Variants in PTPRG observed in about 807,000 individuals in gnomAD.
PTPRG encodes the protein receptor-type tyrosine-protein phosphatase gamma.
A neutral mutation model predicts 165.3 loss-of-function variants in PTPRG; 102 were observed. That is an observed-to-expected ratio of 0.62 (90% CI 0.53 to 0.73). The LOEUF is 0.73. Among genes scored for constraint, PTPRG ranks in the 30% least tolerant of loss-of-function variants. The pLI is 0.00. For synonymous variants in PTPRG, 675 were observed against 669.5 expected, an observed-to-expected ratio of 1.01 and a Z score of -0.13; for missense variants, 1,866 against 1,861.4, an observed-to-expected ratio of 1.00 and a Z score of -0.05.
At chr3:61,671,889 C>CGG (rs1163630942) in intron 1 of PTPRG, among the ~76,000 whole-genome samples, 4 of 137,922 alleles carry the variant, frequency 2.9e-5, no homozygotes, top group Non-Finnish European at 6.3e-5. Context: ...GCTGGATGGG[C>CGG]GGGGGGGGCT....
intron 1 of PTPRG, among the ~76,000 whole-genome samples, chr3:61,567,437 G>A (rs548487786): frequency 1.9e-4 from 29 of 152,190 alleles, no homozygotes; most frequent in African/African-American, 7.0e-4. Context: ...CAGTGCTTTG[G>A]GAGGCGGGAG....
At chr3:61,656,590 C>G (rs914566941) in intron 1 of PTPRG, among the ~76,000 whole-genome samples, 2 of 152,190 alleles carry the variant, frequency 1.3e-5, no homozygotes, top group African/African-American at 4.8e-5. Context: ...TTAGGAATTT[C>G]TTCTCCAAGC....
chr3:62,147,696 T>A lies in PTPRG; in HGVS notation c.683-9371T>A, dbSNP rs180821493. 2.2e-3 allele frequency among the ~76,000 whole-genome samples: 332 copies of A among 152,350 alleles called. 3 individuals are homozygous for A. Among genetic ancestry groups the A allele is most frequent in the Middle Eastern group, 0.01 (3 of 294 alleles). On this transcript the variant is annotated intron_variant, in intron 6 of 29. Transcript: ENST00000474889. ...ATAGCTACTGTGCTTGTTTGTTTCT[T>A]CATTCTCTTTTCACATAATTATTAG...
At position 61,923,241 on chromosome 3, in the gene PTPRG, G is replaced by A. The variant is rs552543369; in HGVS notation, c.191-66384G>A. Among the ~76,000 whole-genome samples the A allele has an allele frequency of 2.2e-3, 342 of 152,196 alleles. 1 individual carries two copies. The highest frequency in any genetic ancestry group is 8.0e-3 in the African/African-American group (332 of 41,516). On this transcript the variant is annotated intron_variant, in intron 2 of 29. Coordinates refer to ENST00000474889, the MANE Select transcript of PTPRG (RefSeq NM_002841.4). The stretch of plus-strand genomic sequence containing the variant: ...CACAAAATTAATCATTATTTTGCAC[G>A]TGTGTCAGTGGAGACCCTGAGCTGT...
chr3:61,757,105 A>C (rs1050423939), intron 2 of PTPRG, among the ~76,000 whole-genome samples: 2 of 152,188 alleles, frequency 1.3e-5, no homozygotes, highest in Non-Finnish European at 2.9e-5. Flanking sequence ...TTACCTGAAC[A>C]TCCACCAAAA....
chr3:62,264,283 A>G (rs1241758601), intron 17 of PTPRG: 2 of 152,228 alleles, frequency 1.3e-5, no homozygotes, highest in African/African-American at 2.4e-5. Context: ...ACTGCACTCA[A>G]GCCTGGGGAA....
intron 2 of PTPRG, among the ~76,000 whole-genome samples, chr3:61,922,848 C>T (rs1481751301): frequency 3.9e-5 from 6 of 152,150 alleles, no homozygotes; most frequent in African/African-American, 1.4e-4. Context: ...GCCATGTTGC[C>T]GAGGCTGGTC....
intron 2 of PTPRG, among the ~76,000 whole-genome samples, chr3:61,865,379 T>C (rs567750099): frequency 1.1e-4 from 16 of 152,288 alleles, no homozygotes; most frequent in Admixed American, 5.9e-4. Context: ...AGGAATGTGT[T>C]GTTATTTTTT....
chr3:62,211,086 G>C (rs2106862977), intron 12 of PTPRG, among the ~76,000 whole-genome samples: 1 of 152,320 alleles, frequency 6.6e-6, no homozygotes, highest in African/African-American at 2.4e-5. Flanking sequence ...CAATAGCCAA[G>C]AGGTGGAAGC....
chr3:61,722,797 TA>T (rs1331816657), intron 1 of PTPRG, among the ~76,000 whole-genome samples: 1 of 152,234 alleles, frequency 6.6e-6, no homozygotes, highest in Non-Finnish European at 1.5e-5. Context: ...AGACGGGGTG[TA>T]CTATCTGGCA....
At chr3:62,160,064 C>T (rs530681433) in intron 7 of PTPRG, among the ~76,000 whole-genome samples, 8 of 152,384 alleles carry the variant, frequency 5.2e-5, no homozygotes, top group Non-Finnish European at 8.8e-5. Flanking sequence ...CTGCCTCTGA[C>T]AGAAAGAAAA....
In PTPRG at chr3:62,012,791, A is replaced by G. The variant is rs142325901; in HGVS notation, c.519+9294A>G. 3.7e-3 allele frequency among the ~76,000 whole-genome samples: 561 copies of G among 152,290 alleles called. 3 individuals carry two copies. The highest frequency in any genetic ancestry group is 0.013 in the African/African-American group (528 of 41,546). On this transcript the variant is annotated intron_variant, in intron 4 of 29. Coordinates refer to ENST00000474889, the MANE Select transcript of PTPRG (RefSeq NM_002841.4). ...ATGCTCAATCTGTATCGTAGGAAAG[A>G]AAAAAATGAAAGGGCTTCAAATGTT...
intron 1 of PTPRG, among the ~76,000 whole-genome samples, chr3:61,702,171 G>GT (rs201465579): frequency 0.045 from 6,808 of 152,142 alleles, 276 homozygotes; most frequent in African/African-American, 0.11. Flanking sequence ...GAGAGACAGG[G>GT]TTTTGCCATG....
At chr3:62,140,933 T>C (rs898160117) in intron 6 of PTPRG, among the ~76,000 whole-genome samples, 3 of 148,998 alleles carry the variant, frequency 2.0e-5, no homozygotes, top group Admixed American at 6.7e-5. Flanking sequence ...TCTTGGGTAA[T>C]AAAAATCTTT....
rs1006211807 is a variant in PTPRG at position 61,642,839 on chromosome 3, A to G, written c.85+80467A>G. On this transcript the variant is annotated intron_variant, in intron 1 of 29. Coordinates refer to ENST00000474889, the MANE Select transcript of PTPRG (RefSeq NM_002841.4). ...ACAATTGCCATTTTGCAGCCCATCA[A>G]TGAATTGATGGATCTGGGCATGAGA... 3.3e-5 allele frequency among the ~76,000 whole-genome samples: 5 copies of G among 152,212 alleles called. 1 individual carries two copies. Among genetic ancestry groups the G allele is most frequent in the East Asian group, 3.9e-4 (2 of 5,186 alleles).
rs540050184 is a variant in PTPRG at position 61,562,070 on chromosome 3, C to T, written c.-218C>T. On this transcript the variant is annotated 5_prime_UTR_variant, in exon 1 of 30. Coordinates refer to ENST00000474889, the MANE Select transcript of PTPRG (RefSeq NM_002841.4). ...CTTTCTCCGCCGAGAGGATCGTCCCCAGCGTGGCTCTGCGTTCCCGGTCAC... is the reference window on the plus strand; with the variant it reads ...CTTTCTCCGCCGAGAGGATCGTCCCTAGCGTGGCTCTGCGTTCCCGGTCAC... 4 of 577,146 alleles carry T rather than the reference C, an allele frequency of 6.9e-6. No individual in the cohort carries two copies. The highest frequency in any genetic ancestry group is 2.9e-5 in the East Asian group (1 of 34,848). The allele number at this position is 577,146 out of a possible 1,614,324, so 35.8% of individuals were successfully genotyped here.
intron 1 of PTPRG, among the ~76,000 whole-genome samples, chr3:61,721,215 G>A (rs1366867519): frequency 6.6e-6 from 1 of 152,136 alleles, no homozygotes; most frequent in Non-Finnish European, 1.5e-5. Flanking sequence ...TACTGTTCCA[G>A]GTGGGTGACT....
chr3:61,893,265 G>A lies in PTPRG; in HGVS notation c.191-96360G>A, dbSNP rs76215447. 4.5e-4 allele frequency among the ~76,000 whole-genome samples: 68 copies of A among 152,296 alleles called. 1 individual carries two copies. The East Asian group carries it at 0.013, about 29-fold the overall frequency. On this transcript the variant is annotated intron_variant, in intron 2 of 29. Coordinates refer to ENST00000474889, the MANE Select transcript of PTPRG (RefSeq NM_002841.4). Reference sequence around the variant, plus strand: ...TGAAAGATGTTCTTGTAGACTTGTTGAAGAATTATGAACTGCAGGATGCCA... The same window carrying A: ...TGAAAGATGTTCTTGTAGACTTGTTAAAGAATTATGAACTGCAGGATGCCA...
chr3:62,258,518 C>G (rs1356511617), intron 16 of PTPRG, among the ~76,000 whole-genome samples: 4 of 152,118 alleles, frequency 2.6e-5, no homozygotes, highest in African/African-American at 9.7e-5. Context: ...GAGATTTCAG[C>G]AAAAATTCTC....
Sources: gnomAD v4.1 joint callset for allele counts (sites outside exome capture counted in the v4.1 genomes callset) on GRCh38, gnomAD v4.1.1 for gene constraint, MANE v1.5 for transcripts, NCBI Gene and HGNC (gene_info 2026-07-23, HGNC 2026-07-21) for gene names.